The following RORA variants were observed in gnomAD, a reference collection of about 807,000 sequenced individuals.
The protein encoded by RORA is nuclear receptor ROR-alpha.
Under a neutral mutation model 69.5 loss-of-function variants are expected in RORA, and 7 were observed. The ratio of observed to expected loss-of-function variants is 0.10; its 90% CI spans 0.06 to 0.19. RORA has a LOEUF of 0.19. Among genes scored for constraint, RORA ranks in the 10% least tolerant of loss-of-function variants. The probability of loss-of-function intolerance (pLI) is 1.00; values close to 1 mark genes in which losing one functional copy is unlikely to be tolerated. For synonymous variants in RORA, 261 were observed against 240.8 expected, an observed-to-expected ratio of 1.08 and a Z score of -0.78; for missense variants, 457 against 663.0, an observed-to-expected ratio of 0.69 and a Z score of 3.41.
Position 60,785,002 on chromosome 15 carries a change from C to T in RORA, c.167-106316G>A, listed in dbSNP as rs1209793363. 2.0e-5 allele frequency among the ~76,000 whole-genome samples: 3 copies of T among 152,296 alleles called. No individual in the cohort carries two copies. The East Asian group carries it at 5.8e-4, about 29-fold the overall frequency. ...CAAAGCAAAAAGCCAGATCCCCCAACCCAAGGATGTGGAAGTCCAGAGGCA... is the reference window on the plus strand; with the variant it reads ...CAAAGCAAAAAGCCAGATCCCCCAATCCAAGGATGTGGAAGTCCAGAGGCA... On this transcript the variant is annotated intron_variant, in intron 1 of 10. Coordinates refer to ENST00000335670, the MANE Select transcript of RORA (RefSeq NM_134261.3).
At chr15:61,141,868 T>TC (rs1258893038) in intron 1 of RORA, among the ~76,000 whole-genome samples, 1 of 150,880 alleles carries the variant, frequency 6.6e-6, no homozygotes, top group African/African-American at 2.4e-5. Flanking sequence ...GACTAACACC[T>TC]CATTAGCAAA....
chr15:60,631,737 C>G (rs1410441547), intron 2 of RORA, among the ~76,000 whole-genome samples: 1 of 152,204 alleles, frequency 6.6e-6, no homozygotes, highest in South Asian at 2.1e-4. Flanking sequence ...CTAAGGGCAA[C>G]CTCACAGGCT....
rs1216218386 is a variant in RORA at position 60,593,084 on chromosome 15, G to A, written c.197-61233C>T. On this transcript the variant is annotated intron_variant, in intron 2 of 10. Transcript: ENST00000335670. ...CGTGGAGAACGAAGCCACTGGGACC[G>A]TCCGGGGAGTGGAGTAAGCTCCTCC... 83 of 359,994 alleles carry A rather than the reference G, an allele frequency of 2.3e-4. 1 individual carries two copies. Among genetic ancestry groups the A allele is most frequent in the Non-Finnish European group, 5.5e-5 (10 of 181,220 alleles). 22.3% of individuals were successfully genotyped at this position (359,994 alleles called of 1,614,324 possible). A position where few individuals can be genotyped will look rare whatever the true frequency, so the allele number is the denominator to read the frequency against.
chr15:61,169,217 G>A (rs531966246), intron 1 of RORA, among the ~76,000 whole-genome samples: 103 of 150,766 alleles, frequency 6.8e-4, no homozygotes, highest in African/African-American at 2.4e-3. Context: ...GCCTCCCTTC[G>A]CCTTAACCCT....
chr15:61,185,031 G>C (rs1401474673), intron 1 of RORA, among the ~76,000 whole-genome samples: 6 of 135,984 alleles, frequency 4.4e-5, no homozygotes, highest in Non-Finnish European at 8.0e-5. Flanking sequence ...AAGAAGGACT[G>C]TTACTTCTAT....
At chr15:60,560,459 C>A (rs1456144187) in intron 2 of RORA, among the ~76,000 whole-genome samples, 4 of 151,948 alleles carry the variant, frequency 2.6e-5, no homozygotes, top group Non-Finnish European at 5.9e-5. Context: ...TTTGGGAAGC[C>A]AAGGTGAGAG....
chr15:61,132,144 C>A (rs2079195304), intron 1 of RORA, among the ~76,000 whole-genome samples: 1 of 152,194 alleles, frequency 6.6e-6, no homozygotes, highest in African/African-American at 2.4e-5. Flanking sequence ...AGTAGAAATT[C>A]ATTGAAATGC....
intron 1 of RORA, among the ~76,000 whole-genome samples, chr15:60,956,383 C>T (rs184757011): frequency 7.9e-5 from 12 of 152,262 alleles, no homozygotes; most frequent in South Asian, 4.2e-4. Context: ...AGGAAGCAGA[C>T]GCCCAGGTAA....
intron 1 of RORA, among the ~76,000 whole-genome samples, chr15:60,812,696 T>C (rs16943131): frequency 0.063 from 9,624 of 152,250 alleles, 386 homozygotes; most frequent in Admixed American, 0.092. Flanking sequence ...ACTCCCTCCT[T>C]GTCCACTGTG....
At chr15:60,725,226 A>C (rs1025071375) in intron 1 of RORA, among the ~76,000 whole-genome samples, 7 of 152,150 alleles carry the variant, frequency 4.6e-5, no homozygotes, top group Admixed American at 1.3e-4. Context: ...TCAGCTTAGC[A>C]CAATGCCAGC....
intron 2 of RORA, among the ~76,000 whole-genome samples, chr15:60,649,882 T>C (rs2070114136): frequency 6.6e-6 from 1 of 152,140 alleles, no homozygotes; most frequent in Non-Finnish European, 1.5e-5. Context: ...CAAAATGCAG[T>C]TCTGTCATTT....
intron 1 of RORA, among the ~76,000 whole-genome samples, chr15:61,218,825 A>C (rs2080066893): frequency 6.6e-6 from 1 of 152,180 alleles, no homozygotes; most frequent in Non-Finnish European, 1.5e-5. Context: ...TTTCTAGTGC[A>C]ACATGATTTT....
chr15:60,708,280 G>A (rs8034240), intron 1 of RORA, among the ~76,000 whole-genome samples: 18,161 of 152,004 alleles, frequency 0.12, 1,348 homozygotes, highest in Admixed American at 0.18. Context: ...AAATTAGCTG[G>A]GCTTGGTGGT....
At chr15:60,902,281 AT>A (rs943016626) in intron 1 of RORA, among the ~76,000 whole-genome samples, 74 of 108,426 alleles carry the variant, frequency 6.8e-4, no homozygotes, top group African/African-American at 1.1e-3. Context: ...CAATTTTATG[AT>A]TTTTTTTTTT....
chr15:61,145,375 C>T (rs1216247819), intron 1 of RORA, among the ~76,000 whole-genome samples: 4 of 152,190 alleles, frequency 2.6e-5, no homozygotes, highest in Non-Finnish European at 1.5e-5. Context: ...ACAGAATGCA[C>T]ACAGGTTAAG....
chr15:60,757,220 C>T (rs550314259), intron 1 of RORA, among the ~76,000 whole-genome samples: 4 of 152,260 alleles, frequency 2.6e-5, no homozygotes, highest in East Asian at 3.9e-4. Flanking sequence ...CTAAAACAAC[C>T]GTCCTTCTCA....
chr15:60,914,505 T>G (rs1891814128), intron 1 of RORA, among the ~76,000 whole-genome samples: 1 of 152,354 alleles, frequency 6.6e-6, no homozygotes, highest in Non-Finnish European at 1.5e-5. Context: ...TTGACTTTTA[T>G]CTACCATGTC....
intron 2 of RORA, among the ~76,000 whole-genome samples, chr15:60,563,042 C>G (rs1301769902): frequency 1.3e-5 from 2 of 152,142 alleles, no homozygotes; most frequent in African/African-American, 4.8e-5. Flanking sequence ...CAAATAAATG[C>G]TATACTTAAT....
intron 1 of RORA, among the ~76,000 whole-genome samples, chr15:60,950,472 C>A (rs1893055385): frequency 9.3e-6 from 1 of 107,000 alleles, no homozygotes; most frequent in Non-Finnish European, 1.9e-5. Flanking sequence ...CTAAATGTTC[C>A]AATTAAAAGA....
Sources: gnomAD v4.1 joint callset for allele counts (sites outside exome capture counted in the v4.1 genomes callset) on GRCh38, gnomAD v4.1.1 for gene constraint, MANE v1.5 for transcripts, NCBI Gene and HGNC (gene_info 2026-07-23, HGNC 2026-07-21) for gene names.